The following ZFYVE28 variants were observed in gnomAD, a reference collection of about 807,000 sequenced individuals.
The protein encoded by ZFYVE28 is zinc finger FYVE-type containing 28, also known as lateral signaling target protein 2 homolog.
A neutral mutation model predicts 82.1 loss-of-function variants in ZFYVE28; 40 were observed. The observed-to-expected ratio is 0.49, with a 90% confidence interval of 0.38 to 0.63. The LOEUF (loss-of-function observed/expected upper bound fraction) is 0.63, where lower values mean the gene tolerates loss of function less well. ZFYVE28 is among the 30% of genes least tolerant of loss of function. The pLI is 0.00. For synonymous variants in ZFYVE28, 612 were observed against 546.1 expected (o/e 1.12, Z -1.68); for missense variants, 1,321 against 1,242.1 (o/e 1.06, Z -0.96).
intron 8 of ZFYVE28, among the ~76,000 whole-genome samples, chr4:2,276,131 C>T (rs1025755104): frequency 1.3e-5 from 2 of 152,012 alleles, no homozygotes; most frequent in African/African-American, 4.8e-5. Context: ...TTCAGGGCAG[C>T]GGGCTGCGGC....
At chr4:2,308,639 AAGAAAGAAAG>A (rs1213226115) in intron 7 of ZFYVE28, among the ~76,000 whole-genome samples, 12 of 124,016 alleles carry the variant, frequency 9.7e-5, no homozygotes, top group African/African-American at 3.6e-4. Flanking sequence ...GAAAGAAAGA[AAGAAAGAAAG>A]AAAGAAAGAA....
chr4:2,279,503 G>GGC (rs1711607490), intron 8 of ZFYVE28, among the ~76,000 whole-genome samples: 10 of 152,126 alleles, frequency 6.6e-5, no homozygotes, highest in African/African-American at 2.4e-4. Flanking sequence ...AAACTGGCCG[G>GGC]GTGCAGTGGC....
chr4:2,361,553 C>A (rs1726159297), intron 1 of ZFYVE28, among the ~76,000 whole-genome samples: 1 of 152,200 alleles, frequency 6.6e-6, no homozygotes, highest in Non-Finnish European at 1.5e-5. Context: ...CAGGCCCCAG[C>A]CACCTTGAGG....
intron 7 of ZFYVE28, among the ~76,000 whole-genome samples, chr4:2,311,335 C>A (rs190479265): frequency 1.3e-5 from 2 of 152,192 alleles, no homozygotes; most frequent in East Asian, 1.9e-4. Flanking sequence ...ACCAGCCTGG[C>A]CAACACAGTG....
intron 6 of ZFYVE28, chr4:2,331,086 G>T: frequency 2.8e-6 from 1 of 360,894 alleles, no homozygotes. Flanking sequence ...GGGATGGGCT[G>T]GAAGGAGGGG....
At chr4:2,386,987 C>T (rs1729323857) in intron 1 of ZFYVE28, among the ~76,000 whole-genome samples, 2 of 152,208 alleles carry the variant, frequency 1.3e-5, no homozygotes, top group Admixed American at 1.3e-4. Flanking sequence ...GGCAGTAGGG[C>T]TGAGGCCCCA....
intron 6 of ZFYVE28, chr4:2,330,632 G>C (rs989746881): frequency 2.2e-6 from 3 of 1,382,648 alleles, no homozygotes; most frequent in African/African-American, 2.9e-5. Flanking sequence ...ACAGCATAGA[G>C]GAGGGGACAG....
chr4:2,406,409 C>G (rs145134359), intron 1 of ZFYVE28: 2 of 152,244 alleles, frequency 1.3e-5, no homozygotes, highest in Non-Finnish European at 2.9e-5. Context: ...AGGGGCTGCC[C>G]GAGAGCTCCT....
chr4:2,377,024 CT>C (rs777155297), intron 1 of ZFYVE28, among the ~76,000 whole-genome samples: 146 of 146,168 alleles, frequency 1.0e-3, no homozygotes, highest in African/African-American at 1.2e-3. Context: ...TAAGACTTTA[CT>C]TTTTTTTTTT....
Position 2,319,331 on chromosome 4 carries a change from C to T in ZFYVE28, c.803+839G>A, listed in dbSNP as rs116180861. The stretch of plus-strand genomic sequence containing the variant: ...CATGGACTGAACCAAGCACCCCTGC[C>T]CCTGAACCCACTGACGCCAAGGACC... On this transcript the variant is annotated intron_variant, in intron 7 of 12. Coordinates refer to ENST00000290974, the MANE Select transcript of ZFYVE28 (RefSeq NM_020972.3). Among the ~76,000 whole-genome samples, 325 of 152,288 alleles carry T rather than the reference C, an allele frequency of 2.1e-3. 2 individuals are homozygous for T. The highest frequency in any genetic ancestry group is 3.8e-3 in the Non-Finnish European group (257 of 68,010).
chr4:2,373,948 G>A (rs1237532951), intron 1 of ZFYVE28, among the ~76,000 whole-genome samples: 1 of 152,044 alleles, frequency 6.6e-6, no homozygotes, highest in African/African-American at 2.4e-5. Flanking sequence ...CCTCAGCACC[G>A]CCCCCCATCT....
intron 1 of ZFYVE28, among the ~76,000 whole-genome samples, chr4:2,359,393 T>C (rs1725803845): frequency 6.6e-6 from 1 of 152,168 alleles, no homozygotes; most frequent in South Asian, 2.1e-4. Context: ...CCTAAAGTAC[T>C]GGGATTACAG....
chr4:2,303,675 C>G (rs1478014761), intron 8 of ZFYVE28, among the ~76,000 whole-genome samples: 2 of 152,196 alleles, frequency 1.3e-5, no homozygotes, highest in East Asian at 3.9e-4. Flanking sequence ...ACCTCCCCAT[C>G]TCCCCCCAGT....
chr4:2,373,422 C>T lies in ZFYVE28; in HGVS notation c.40-19349G>A, dbSNP rs148717739. 2.6e-5 allele frequency among the ~76,000 whole-genome samples: 4 copies of T among 152,138 alleles called. No homozygotes were observed. The East Asian group carries it at 7.7e-4, about 29-fold the overall frequency. On this transcript the variant is annotated intron_variant, in intron 1 of 12. Coordinates refer to ENST00000290974, the MANE Select transcript of ZFYVE28 (RefSeq NM_020972.3). ...GCTGAAGTGGGAAGACTGCTTGAGCCCCAGAGGTTAAGGCAACATTGAGCC... is the reference window on the plus strand; with the variant it reads ...GCTGAAGTGGGAAGACTGCTTGAGCTCCAGAGGTTAAGGCAACATTGAGCC...
chr4:2,330,343 G>C, intron 6 of ZFYVE28: 2 of 991,350 alleles, frequency 2.0e-6, no homozygotes, highest in Non-Finnish European at 2.4e-6. Context: ...GCTTGGGTGA[G>C]CGGTGCAGTG....
rs1171006487 is a variant in ZFYVE28 at position 2,332,845 on chromosome 4, G to A, written c.701+2860C>T. On this transcript the variant is annotated intron_variant, in intron 6 of 12. Transcript: ENST00000290974. The surrounding 1 kb of genome is among the most constrained non-coding windows in gnomAD (Gnocchi z 4.7). The stretch of plus-strand genomic sequence containing the variant: ...CTGCTCGAGGCTCGCTGCACAGAGG[G>A]TTGCAGTGGCAGCCTGGTGCACCCC... Among the ~76,000 whole-genome samples, 1 of 152,120 alleles carries A rather than the reference G, an allele frequency of 6.6e-6. No homozygotes were observed. The highest frequency in any genetic ancestry group is 2.4e-5 in the African/African-American group (1 of 41,410).
intron 4 of ZFYVE28, 95 bp from the exon 5 acceptor site, chr4:2,337,591 C>T: frequency 1.0e-6 from 1 of 977,342 alleles, no homozygotes; most frequent in Non-Finnish European, 1.5e-6. Context: ...AGCTGCAATG[C>T]TGGGCAAGGT....
intron 8 of ZFYVE28, among the ~76,000 whole-genome samples, chr4:2,297,448 G>A (rs752878567): frequency 7.9e-5 from 12 of 152,338 alleles, no homozygotes; most frequent in Admixed American, 6.5e-5. Flanking sequence ...GGTGGGGCGC[G>A]GTGGGTGGAT....
At chr4:2,405,593 T>C (rs1731797179) in intron 1 of ZFYVE28, among the ~76,000 whole-genome samples, 1 of 152,136 alleles carries the variant, frequency 6.6e-6, no homozygotes, top group Admixed American at 6.5e-5. Context: ...AAGCCTTCCC[T>C]AGGTCAGAGG....
Sources: allele counts gnomAD v4.1 joint callset (sites outside exome capture counted in the v4.1 genomes callset), GRCh38; gene constraint gnomAD v4.1.1; non-coding constraint Gnocchi (gnomAD v3.1); transcripts MANE v1.5; gene names NCBI Gene and HGNC (gene_info 2026-07-23, HGNC 2026-07-21).